Variants in ATG5 observed in about 807,000 individuals in gnomAD.
The protein encoded by ATG5 is autophagy protein 5.
Under a neutral mutation model 36.5 loss-of-function variants are expected in ATG5, and 14 were observed. The ratio of observed to expected loss-of-function variants is 0.38; its 90% CI spans 0.25 to 0.60. ATG5 has a LOEUF of 0.60. Among genes scored for constraint, ATG5 ranks in the 20% least tolerant of loss-of-function variants. ATG5 has a pLI of 0.60. For missense variants in ATG5, 195 were observed against 326.7 expected, an observed-to-expected ratio of 0.60 and a Z score of 3.11; for synonymous variants, 95 against 101.5, an observed-to-expected ratio of 0.94 and a Z score of 0.38.
chr6:106,207,928 C>T (rs942867337), intron 6 of ATG5, among the ~76,000 whole-genome samples: 1 of 152,068 alleles, frequency 6.6e-6, no homozygotes, highest in African/African-American at 2.4e-5. Context: ...CTGATCTCTA[C>T]TAAAAATACA....
intron 4 of ATG5, 111 bp downstream of exon 4, chr6:106,292,917 A>G: frequency 1.2e-6 from 1 of 815,462 alleles, no homozygotes; most frequent in East Asian, 2.5e-5. Context: ...AGCAACTAAA[A>G]CAGTGTCAGG....
intron 5 of ATG5, among the ~76,000 whole-genome samples, chr6:106,275,774 A>G (rs1157894788): frequency 6.6e-6 from 1 of 152,226 alleles, no homozygotes; most frequent in Non-Finnish European, 1.5e-5. Context: ...GTCAGACTTC[A>G]GGTCAAAGAT....
At chr6:106,280,040 C>T (rs918884955) in intron 4 of ATG5, among the ~76,000 whole-genome samples, 1 of 151,596 alleles carries the variant, frequency 6.6e-6, no homozygotes, top group Non-Finnish European at 1.5e-5. Flanking sequence ...TTTATAACAA[C>T]ATGAAAAAAA....
At chr6:106,228,090 T>A (rs1478811928) in intron 6 of ATG5, among the ~76,000 whole-genome samples, 1 of 152,146 alleles carries the variant, frequency 6.6e-6, no homozygotes, top group Admixed American at 6.5e-5. Flanking sequence ...CTTTCAGGAG[T>A]TTCACCAGTC....
chr6:106,247,305 T>C (rs960441375), intron 6 of ATG5, among the ~76,000 whole-genome samples: 1 of 152,230 alleles, frequency 6.6e-6, no homozygotes, highest in Non-Finnish European at 1.5e-5. Context: ...ACTTACTTCC[T>C]GGAATGCCAT....
chr6:106,208,252 A>C (rs1413992304), intron 6 of ATG5, among the ~76,000 whole-genome samples: 1 of 152,232 alleles, frequency 6.6e-6, no homozygotes, highest in Non-Finnish European at 1.5e-5. Context: ...GTATATATAC[A>C]TCTGTGTAAA....
intron 3 of ATG5, among the ~76,000 whole-genome samples, chr6:106,300,971 G>C (rs1393812834): frequency 6.6e-6 from 1 of 152,084 alleles, no homozygotes; most frequent in African/African-American, 2.4e-5. Context: ...TTTCGTGCTT[G>C]AAGGTCTAAG....
intron 6 of ATG5, among the ~76,000 whole-genome samples, chr6:106,223,617 T>G (rs1201425804): frequency 1.3e-5 from 2 of 152,220 alleles, no homozygotes; most frequent in Non-Finnish European, 2.9e-5. Flanking sequence ...CAGATGATTA[T>G]CATTCACGCA....
chr6:106,320,657 C>T (rs1446210641), intron 1 of ATG5, among the ~76,000 whole-genome samples: 1 of 148,700 alleles, frequency 6.7e-6, no homozygotes, highest in Non-Finnish European at 1.5e-5. Context: ...GTGTTTGATA[C>T]AATAATGGAC....
intron 6 of ATG5, among the ~76,000 whole-genome samples, chr6:106,224,661 A>G (rs977617860): frequency 1.3e-5 from 2 of 152,138 alleles, no homozygotes; most frequent in African/African-American, 2.4e-5. Context: ...GGATCACCTG[A>G]GGTCAGGAGT....
chr6:106,221,153 A>G (rs1362908714), intron 6 of ATG5, among the ~76,000 whole-genome samples: 1 of 152,202 alleles, frequency 6.6e-6, no homozygotes, highest in African/African-American at 2.4e-5. Context: ...TCTGGCGTAT[A>G]TTATCAGAGT....
chr6:106,298,349 A>C (rs1770061103), intron 3 of ATG5, among the ~76,000 whole-genome samples: 1 of 152,154 alleles, frequency 6.6e-6, no homozygotes, highest in Admixed American at 6.5e-5. Context: ...CATATTAAGA[A>C]TTAGGAGATA....
intron 4 of ATG5, among the ~76,000 whole-genome samples, chr6:106,289,949 A>C (rs528230841): frequency 1.3e-5 from 2 of 152,248 alleles, no homozygotes; most frequent in South Asian, 4.1e-4. Flanking sequence ...GTAGTTTAAA[A>C]GAAGTATTTT....
intron 4 of ATG5, among the ~76,000 whole-genome samples, chr6:106,281,539 A>G (rs894136682): frequency 2.0e-5 from 3 of 152,224 alleles, no homozygotes; most frequent in African/African-American, 7.2e-5. Flanking sequence ...GTAGCAGGCC[A>G]TTTAATGAAT....
At chr6:106,206,973 C>T (rs556139320) in intron 6 of ATG5, among the ~76,000 whole-genome samples, 1 of 152,170 alleles carries the variant, frequency 6.6e-6, no homozygotes, top group African/African-American at 2.4e-5. Context: ...CAATCTAAAT[C>T]TTAGGTTGAC....
rs1472110196 is a variant in ATG5, at chr6:106,267,936, A to G, written c.478+11725T>C. ...ATTCAGGACATAGGCATGGGAAAAG[A>G]CTTCATGACTAAAACACCAAAAGCA... On this transcript the variant is annotated intron_variant, in intron 5 of 7. Transcript: ENST00000369076. Among the ~76,000 whole-genome samples, 4 of 152,262 alleles carry G rather than the reference A, an allele frequency of 2.6e-5. No individual in the cohort carries two copies. The East Asian group carries it at 7.7e-4, about 29-fold the overall frequency.
intron 3 of ATG5, among the ~76,000 whole-genome samples, chr6:106,306,531 T>C (rs1221000339): frequency 1.3e-5 from 2 of 152,148 alleles, no homozygotes; most frequent in Non-Finnish European, 2.9e-5. Flanking sequence ...CATCCTATAA[T>C]GTACAGGGTA....
chr6:106,249,969 G>C (rs936333611), intron 5 of ATG5, among the ~76,000 whole-genome samples: 17 of 152,096 alleles, frequency 1.1e-4, no homozygotes, highest in African/African-American at 4.1e-4. Flanking sequence ...TGAGTTATAA[G>C]AGTTCTTTAT....
At chr6:106,252,053 C>G (rs906987585) in intron 5 of ATG5, among the ~76,000 whole-genome samples, 19 of 152,252 alleles carry the variant, frequency 1.2e-4, no homozygotes, top group African/African-American at 4.6e-4. Flanking sequence ...GTTGGCCAGG[C>G]TGGTCTTGGA....
Sources: gnomAD v4.1 joint callset for allele counts (sites outside exome capture counted in the v4.1 genomes callset) on GRCh38, gnomAD v4.1.1 for gene constraint, MANE v1.5 for transcripts, NCBI Gene and HGNC (gene_info 2026-07-23, HGNC 2026-07-21) for gene names.